The following CAPN2 variants were observed in gnomAD, a reference collection of about 807,000 sequenced individuals.
The protein encoded by CAPN2 is calpain 2.
CAPN2 carries 92 observed loss-of-function variants against 102.3 expected under a neutral mutation model. The ratio of observed to expected loss-of-function variants is 0.90; its 90% CI spans 0.76 to 1.07. The LOEUF (loss-of-function observed/expected upper bound fraction) is 1.07. Ranked by LOEUF, CAPN2 falls within the 50% of genes least tolerant of loss-of-function variation. CAPN2 has a pLI of 0.00. For missense variants in CAPN2, 800 were observed against 909.4 expected, an observed-to-expected ratio of 0.88 and a Z score of 1.55; for synonymous variants, 340 against 355.4, an observed-to-expected ratio of 0.96 and a Z score of 0.49.
At chr1:223,720,543 C>T (rs1660025620) in intron 2 of CAPN2, among the ~76,000 whole-genome samples, 1 of 152,036 alleles carries the variant, frequency 6.6e-6, no homozygotes, top group Non-Finnish European at 1.5e-5. Flanking sequence ...TCTTGAACTT[C>T]TGAGCTCAAG....
intron 1 of CAPN2, among the ~76,000 whole-genome samples, chr1:223,717,219 C>G (rs757935530): frequency 5.9e-5 from 9 of 152,048 alleles, no homozygotes; most frequent in Non-Finnish European, 5.9e-5. Flanking sequence ...ATTGCAGAGT[C>G]CAGAGACTCT....
chr1:223,743,538 C>CTGGA (rs1308698437), intron 2 of CAPN2, among the ~76,000 whole-genome samples: 1 of 152,172 alleles, frequency 6.6e-6, no homozygotes, highest in Non-Finnish European at 1.5e-5. Context: ...GTTGCCCAGG[C>CTGGA]TGGAGTGCAG....
chr1:223,735,526 TAAAA>T (rs566489022), intron 2 of CAPN2, among the ~76,000 whole-genome samples: 1 of 131,512 alleles, frequency 7.6e-6, no homozygotes, highest in African/African-American at 2.8e-5. Context: ...AGACTCTATC[TAAAA>T]AAAAAAAAAA....
At chr1:223,757,267 A>G (rs545458154) in intron 10 of CAPN2, 102 bp from the exon 11 acceptor site, 1 of 1,269,400 alleles carries the variant, frequency 7.9e-7, no homozygotes, top group East Asian at 2.3e-5. Flanking sequence ...TGATATTGCT[A>G]ATGCTACAGA....
Position 223,766,379 on chromosome 1 carries a change from A to G in CAPN2, c.1703A>G (p.Lys568Arg), listed in dbSNP as rs748412257. The change falls in exon 16 of 21, where the codon AAG (lysine) becomes AGG (arginine). Residue 568 changes from lysine (K) to arginine (R), a missense_variant. Physicochemically the swap from Lys to Arg is conservative, Grantham distance 26. Transcript: ENST00000295006. ...TTTTGTCTTTTAGGCCAAGATATCA[A>G]GTCAGATGGCTTCAGCATCGAGACA... The part of the protein sequence containing the change: ...RRVLAKRQDI[K>R]SDGFSIETCK... The G allele has an allele frequency of 7.4e-6, 12 of 1,613,698 alleles. No individual in the cohort carries two copies. In the East Asian group the frequency reaches 1.8e-4, roughly 24 times the overall value.
chr1:223,707,730 C>G (rs576555340), upstream of CAPN2, among the ~76,000 whole-genome samples: 2 of 152,306 alleles, frequency 1.3e-5, no homozygotes, highest in African/African-American at 4.8e-5. Flanking sequence ...TGTTGCCTAG[C>G]TGGGGAAGAG....
intron 20 of CAPN2, chr1:223,772,972 T>C (rs1290389109): frequency 1.3e-5 from 2 of 152,314 alleles, no homozygotes; most frequent in East Asian, 3.9e-4. Context: ...CCGGGCGAAG[T>C]GGCTGACACT....
At position 223,743,234 on chromosome 1, in the gene CAPN2, G is replaced by A. The variant is rs566203247; in HGVS notation, c.308-866G>A. Reference sequence around the variant, plus strand: ...GGCTGCCTGGCCAGCTGCCCACCTCGTTGTGCCCATCCTTGTCTACCCCTT... The same window carrying A: ...GGCTGCCTGGCCAGCTGCCCACCTCATTGTGCCCATCCTTGTCTACCCCTT... On this transcript the variant is annotated intron_variant, in intron 2 of 20. Transcript: ENST00000295006. Among the ~76,000 whole-genome samples, 7 of 152,302 alleles carry A rather than the reference G, an allele frequency of 4.6e-5. 1 individual carries two copies. Among genetic ancestry groups the A allele is most frequent in the East Asian group, 1.9e-4 (1 of 5,186 alleles).
rs1558074654 is a variant in CAPN2 at position 223,757,262 on chromosome 1, T to A, written c.1306-107T>A. 6.7e-6 allele frequency: 8 copies of A among 1,200,626 alleles called. No individual in the cohort carries two copies. In the South Asian group the frequency reaches 8.5e-5, roughly 13 times the overall value. 74.4% of individuals were successfully genotyped at this position (1,200,626 alleles called of 1,614,324 possible). ...AGTTACTCGGTTGAATTAGTTGATATTGCTAATGCTACAGAGAAAACGGGG... is the reference window on the plus strand; with the variant it reads ...AGTTACTCGGTTGAATTAGTTGATAATGCTAATGCTACAGAGAAAACGGGG... On this transcript the variant is annotated intron_variant, in intron 10 of 20. Transcript: ENST00000295006.
At chr1:223,751,134 A>G (rs12239445) in intron 7 of CAPN2, among the ~76,000 whole-genome samples, 159 bp downstream of exon 7, 4,573 of 152,214 alleles carry the variant, frequency 0.03, 245 homozygotes, top group African/African-American at 0.1. Flanking sequence ...GGGCCCCTCA[A>G]AGGGTCTTTT....
intron 2 of CAPN2, among the ~76,000 whole-genome samples, chr1:223,720,098 G>C (rs1469829068): frequency 2.6e-5 from 4 of 152,156 alleles, no homozygotes; most frequent in Admixed American, 1.3e-4. Context: ...GTAGTCCGAA[G>C]ACTGGGCAAG....
Position 223,764,155 on chromosome 1 carries a change from G to A in CAPN2, c.1638G>A (p.Ala546=), listed in dbSNP as rs144506321. The stretch of plus-strand genomic sequence containing the variant: ...CTCTGGTTATGTGTCCACAGGATGC[G>A]GAGATCTCTGCCTTTGAGCTGCAGA... The part of the protein sequence containing the change: ...RLFAQLAGED[A]EISAFELQTI... The change falls in exon 15 of 21, where the codon GCG becomes GCA. Residue 546 remains alanine (A), a synonymous_variant. Transcript: ENST00000295006. 572 of 1,613,768 alleles carry A rather than the reference G, an allele frequency of 3.5e-4. 2 individuals carry two copies. The African/African-American group carries it at 4.4e-3, about 13-fold the overall frequency.
At chr1:223,766,146 CCT>C (rs759825378) in intron 15 of CAPN2, among the ~76,000 whole-genome samples, 4 of 152,190 alleles carry the variant, frequency 2.6e-5, no homozygotes, top group Non-Finnish European at 5.9e-5. Context: ...TTTTTAAAGC[CCT>C]GTTTGCCCAC....
At chr1:223,730,822 G>A (rs1478853593) in intron 2 of CAPN2, among the ~76,000 whole-genome samples, 2 of 152,156 alleles carry the variant, frequency 1.3e-5, no homozygotes, top group Non-Finnish European at 2.9e-5. Flanking sequence ...CTTAGACTTT[G>A]ATTTTTAGTT....
At chr1:223,749,735 G>T (rs184568728) in intron 6 of CAPN2, among the ~76,000 whole-genome samples, 2 of 152,224 alleles carry the variant, frequency 1.3e-5, no homozygotes, top group South Asian at 2.1e-4. Context: ...AATATTATGG[G>T]CTGACATGGT....
At chr1:223,774,727 A>T in intron 20 of CAPN2, 107 bp from the exon 21 acceptor site, 2 of 938,030 alleles carry the variant, frequency 2.1e-6, no homozygotes, top group Admixed American at 1.9e-5. Context: ...TGTAGCCCTC[A>T]ATCAGCTTTT....
At position 223,750,871 on chromosome 1, in the gene CAPN2, C is replaced by G; in HGVS notation, c.814-19C>G. 1.3e-6 allele frequency: 2 copies of G among 1,550,572 alleles called. No individual in the cohort carries two copies. Among genetic ancestry groups the G allele is most frequent in the Non-Finnish European group, 1.7e-6 (2 of 1,145,986 alleles). On this transcript the variant is annotated intron_variant, in intron 6 of 20. Transcript: ENST00000295006. The stretch of plus-strand genomic sequence containing the variant: ...CTTGAACTCAACCTCTTACTCCTCC[C>G]TTTTATCTAATCCTGCAGGTTGAAA...
intron 2 of CAPN2, among the ~76,000 whole-genome samples, chr1:223,741,669 G>A (rs1026971619): frequency 6.6e-6 from 1 of 152,046 alleles, no homozygotes; most frequent in Non-Finnish European, 1.5e-5. Context: ...TGGCCAGGCT[G>A]GTCTCAAACT....
rs763861379 is a variant in CAPN2 at position 223,745,333 on chromosome 1, G to A, written c.454G>A (p.Val152Met). The change falls in exon 4 of 21, where the codon GTG becomes ATG. Residue 152 changes from valine to methionine, a missense_variant. Val to Met is a conservative substitution (Grantham distance 21). Coordinates refer to ENST00000295006, the MANE Select transcript of CAPN2 (RefSeq NM_001748.5). Reference protein sequence around the residue: ...QFWQYGEWVEVVVDDRLPTKD... With the variant: ...QFWQYGEWVEMVVDDRLPTKD... ...CTGGCAATACGGCGAGTGGGTGGAG[G>A]TGGTGGTGGATGACAGGCTGCCCAC... is the stretch of plus-strand genomic sequence containing the variant. 15 of 1,614,034 alleles carry A rather than the reference G, an allele frequency of 9.3e-6. No individual in the cohort carries two copies. Among genetic ancestry groups the A allele is most frequent in the Non-Finnish European group, 2.5e-6 (3 of 1,180,004 alleles).
Sources: gnomAD v4.1 joint callset for allele counts (sites outside exome capture counted in the v4.1 genomes callset) on GRCh38, gnomAD v4.1.1 for gene constraint, MANE v1.5 for transcripts, NCBI Gene and HGNC (gene_info 2026-07-23, HGNC 2026-07-21) for gene names.